FAAH2: variants seen among roughly 807,000 people sequenced by gnomAD.
The protein encoded by FAAH2 is fatty acid amide hydrolase 2.
A neutral mutation model predicts 36.9 loss-of-function variants in FAAH2; 60 were observed. The ratio of observed to expected loss-of-function variants is 1.63; its 90% CI spans 1.32 to 2.02. The LOEUF (loss-of-function observed/expected upper bound fraction) is 2.02, where lower values mean the gene tolerates loss of function less well. Ranked by LOEUF, FAAH2 falls within the 30% of genes most tolerant of loss-of-function variation. The pLI is 0.00. For missense variants in FAAH2, 689 were observed against 397.5 expected (o/e 1.73, Z -6.23); for synonymous variants, 214 against 143.8 (o/e 1.49, Z -3.49).
rs57050543 is a variant in FAAH2, at chrX:57,352,078, A to ATG, written c.742+10692_742+10693dup. 7.2e-4 allele frequency among the ~76,000 whole-genome samples: 29 copies of ATG among 40,281 alleles called. 3 individuals are homozygous for ATG. The highest frequency in any genetic ancestry group is 9.9e-4 in the Non-Finnish European group (26 of 26,187). 35.0% of individuals were successfully genotyped at this position (40,281 alleles called of 115,157 possible). ...TATATATATATATACACATATATAT[A>ATG]TGTGTATATATATGCACATATATAT... On this transcript the variant is annotated intron_variant, in intron 5 of 10. Coordinates refer to ENST00000374900, the MANE Select transcript of FAAH2 (RefSeq NM_174912.4).
At chrX:57,437,875 A>G (rs1247442811) in intron 8 of FAAH2, among the ~76,000 whole-genome samples, 1 of 103,384 alleles carries the variant, frequency 9.7e-6, no homozygotes, top group South Asian at 4.0e-4. Context: ...ATATCTGTAT[A>G]CATATATACA....
chrX:57,371,230 T>G (rs1383882183), intron 5 of FAAH2, among the ~76,000 whole-genome samples: 2 of 111,648 alleles, frequency 1.8e-5, no homozygotes, highest in Non-Finnish European at 3.8e-5. Flanking sequence ...GGTACCTTTT[T>G]GACCCTTGCC....
At chrX:57,429,266 G>T (rs774215858) in intron 7 of FAAH2, among the ~76,000 whole-genome samples, 2 of 107,353 alleles carry the variant, frequency 1.9e-5, no homozygotes, top group South Asian at 8.5e-4. Flanking sequence ...GTGAACCTGG[G>T]AGGTGGAGCT....
intron 2 of FAAH2, among the ~76,000 whole-genome samples, chrX:57,300,915 C>G (rs1473300086): frequency 1.8e-5 from 2 of 111,964 alleles, no homozygotes; most frequent in Admixed American, 1.9e-4. Flanking sequence ...AATGAGATAA[C>G]CATCTCACAC....
chrX:57,358,006 T>TA (rs34552307), intron 5 of FAAH2, among the ~76,000 whole-genome samples: 1 of 111,014 alleles, frequency 9.0e-6, no homozygotes, highest in Non-Finnish European at 1.9e-5. Flanking sequence ...TATGCAGCCA[T>TA]AAAAAAAGGA....
intron 7 of FAAH2, among the ~76,000 whole-genome samples, chrX:57,427,710 AT>A (rs1029810110): frequency 5.4e-5 from 6 of 111,884 alleles, no homozygotes; most frequent in Non-Finnish European, 9.4e-5. Context: ...GCATAACTTT[AT>A]TATAAAAACT....
chrX:57,135,060 G>A, the FAAH2 span: 1 of 111,296 alleles, frequency 9.0e-6, no homozygotes, highest in African/African-American at 3.3e-5. Flanking sequence ...TCTCTCATGG[G>A]CCCCATACCC....
intron 10 of FAAH2, among the ~76,000 whole-genome samples, chrX:57,457,896 C>T (rs759921391): frequency 8.9e-6 from 1 of 111,823 alleles, no homozygotes; most frequent in East Asian, 2.8e-4. Context: ...AGATTCAACA[C>T]TACTCCTATC....
the FAAH2 span, among the ~76,000 whole-genome samples, chrX:57,252,549 G>A: frequency 2.7e-5 from 3 of 111,958 alleles, no homozygotes; most frequent in East Asian, 8.5e-4. Flanking sequence ...GCCCCTCTGG[G>A]ACAAAGCTTC....
At chrX:57,213,443 A>G in the FAAH2 span, among the ~76,000 whole-genome samples, 1 of 111,127 alleles carries the variant, frequency 9.0e-6, no homozygotes, top group Admixed American at 9.6e-5. Context: ...TGATCTTTCC[A>G]TTCTTTTGAT....
intron 10 of FAAH2, among the ~76,000 whole-genome samples, chrX:57,467,799 C>A (rs2057078988): frequency 8.9e-6 from 1 of 111,901 alleles, no homozygotes; most frequent in South Asian, 3.7e-4. Flanking sequence ...CAGACTGCCT[C>A]CTCAAGTGGG....
intron 4 of FAAH2, among the ~76,000 whole-genome samples, chrX:57,333,802 T>C (rs771412599): frequency 9.0e-6 from 1 of 111,241 alleles, no homozygotes; most frequent in African/African-American, 3.3e-5. Context: ...AATACACATA[T>C]GTAATTGGAA....
intron 10 of FAAH2, among the ~76,000 whole-genome samples, chrX:57,481,078 T>A (rs1382167256): frequency 9.0e-6 from 1 of 110,633 alleles, no homozygotes; most frequent in South Asian, 3.9e-4. Context: ...TCATGCTTTT[T>A]TTCAGCTCCA....
At chrX:57,315,505 C>A (rs1330840525) in intron 3 of FAAH2, among the ~76,000 whole-genome samples, 2 of 111,188 alleles carry the variant, frequency 1.8e-5, no homozygotes, top group Non-Finnish European at 3.8e-5. Context: ...ACTCAAAAAT[C>A]CTCAATAAAA....
intron 5 of FAAH2, among the ~76,000 whole-genome samples, chrX:57,365,794 G>A (rs1405597218): frequency 8.9e-6 from 1 of 111,911 alleles, no homozygotes; most frequent in African/African-American, 3.2e-5. Flanking sequence ...TTGAATCAAA[G>A]GAGAAGTTTC....
chrX:57,219,691 T>C, the FAAH2 span, among the ~76,000 whole-genome samples: 7 of 108,213 alleles, frequency 6.5e-5, no homozygotes, highest in African/African-American at 2.4e-4. Context: ...TTTTATCTTC[T>C]CCCTCCGGCT....
At chrX:57,188,475 G>A in the FAAH2 span, among the ~76,000 whole-genome samples, 1 of 109,673 alleles carries the variant, frequency 9.1e-6, no homozygotes, top group Non-Finnish European at 1.9e-5. Context: ...AGTCTGGCTA[G>A]TGGTCTATTT....
chrX:57,309,636 T>A (rs2052635801), intron 2 of FAAH2, among the ~76,000 whole-genome samples: 1 of 111,178 alleles, frequency 9.0e-6, no homozygotes, highest in South Asian at 3.8e-4. Flanking sequence ...CCCCAGTGTG[T>A]GTTGTTTCCC....
intron 7 of FAAH2, among the ~76,000 whole-genome samples, chrX:57,389,047 A>G (rs2055096681): frequency 9.2e-6 from 1 of 108,688 alleles, no homozygotes; most frequent in Admixed American, 1.0e-4. Flanking sequence ...TCTTTGAACA[A>G]AAGCTGTTAT....
Sources: gnomAD v4.1 joint callset for allele counts (sites outside exome capture counted in the v4.1 genomes callset) on GRCh38, gnomAD v4.1.1 for gene constraint, MANE v1.5 for transcripts, NCBI Gene and HGNC (gene_info 2026-07-23, HGNC 2026-07-21) for gene names.